The following NWD2 variants were observed in gnomAD, a reference collection of about 807,000 sequenced individuals.
NWD2 encodes the protein NACHT and WD repeat domain containing 2, also known as NACHT and WD repeat domain-containing protein 2.
In NWD2, 37 loss-of-function variants were observed where a neutral mutation model predicts 132.7. The observed-to-expected ratio is 0.28, with a 90% CI of 0.21 to 0.37. The LOEUF is 0.37. NWD2 is among the 10% of genes least tolerant of loss of function. The pLI is 1.00. For synonymous variants in NWD2, 705 were observed against 803.0 expected (o/e 0.88, Z 2.06); for missense variants, 1,592 against 2,122.4 (o/e 0.75, Z 4.91).
chr4:37,263,176 T>C (rs1320499887), intron 1 of NWD2, among the ~76,000 whole-genome samples: 2 of 152,162 alleles, frequency 1.3e-5, no homozygotes, highest in Admixed American at 1.3e-4. Context: ...CAGAGTATTT[T>C]ATATTATTAG....
chr4:37,350,585 T>G (rs1719740071), intron 2 of NWD2, among the ~76,000 whole-genome samples: 1 of 152,208 alleles, frequency 6.6e-6, no homozygotes, highest in Admixed American at 6.5e-5. Flanking sequence ...GTTTTTGGGC[T>G]GAGATGGTGG....
Position 37,438,841 on chromosome 4 carries a change from T to C in NWD2, c.747T>C (p.Thr249=). Residue 249 remains threonine, a synonymous_variant, in exon 6 of 7, where the codon ACT becomes ACC. Coordinates refer to ENST00000309447, the MANE Select transcript of NWD2 (RefSeq NM_001144990.2). ...TTGACTTTGCTCTGGGAAAACAAAC[T>C]CCAGCATTTCTAAAGAAGTGTGTTT... is the stretch of plus-strand genomic sequence containing the variant. ...DEFDFALGKQ[T]PAFLKKCVCY... 1 of 1,551,476 alleles carries C rather than the reference T, an allele frequency of 6.4e-7. No individual in the cohort carries two copies. Among genetic ancestry groups the C allele is most frequent in the Non-Finnish European group, 8.7e-7 (1 of 1,146,904 alleles).
chr4:37,414,295 T>C (rs1035329577), intron 3 of NWD2, among the ~76,000 whole-genome samples: 2 of 152,018 alleles, frequency 1.3e-5, no homozygotes, highest in Admixed American at 6.6e-5. Context: ...TGGTAATAGG[T>C]ATCTGGGGGC....
chr4:37,245,080 G>A lies in NWD2; in HGVS notation c.13G>A (p.Gly5Ser), dbSNP rs1426117421. 1.3e-6 allele frequency: 2 copies of A among 1,545,774 alleles called. No homozygotes were observed. The highest frequency in any genetic ancestry group is 2.0e-5 in the Admixed American group (1 of 50,972). Residue 5 changes from glycine to serine, a missense_variant, in exon 1 of 7, where the codon GGC (glycine) becomes AGC (serine). This residue lies in a region of NWD2 where 88 missense variants were observed against 92.8 expected (regional missense o/e 0.95). Coordinates refer to ENST00000309447, the MANE Select transcript of NWD2 (RefSeq NM_001144990.2). ...CTCCCAGAGGGCGATGTGGCCGGCC[G>A]GCGCGGGCACCAAGCTGCCCTGTCC... MWPA[G>S]AGTKLPCPRD...
intron 3 of NWD2, among the ~76,000 whole-genome samples, chr4:37,392,145 A>G (rs1720691000): frequency 6.6e-6 from 1 of 152,094 alleles, no homozygotes. Flanking sequence ...AGGTTGCAGT[A>G]AGCCGAGATC....
At chr4:37,353,861 C>T (rs969672846) in intron 2 of NWD2, among the ~76,000 whole-genome samples, 4 of 152,114 alleles carry the variant, frequency 2.6e-5, no homozygotes, top group African/African-American at 9.7e-5. Context: ...TCATCAAACT[C>T]ATTCTCCGCC....
chr4:37,405,042 A>G (rs577265246), intron 3 of NWD2, among the ~76,000 whole-genome samples: 15 of 152,170 alleles, frequency 9.9e-5, no homozygotes, highest in Non-Finnish European at 1.8e-4. Context: ...CATATCAGGC[A>G]ATAATCTTGT....
chr4:37,401,483 A>G (rs950041936), intron 3 of NWD2, among the ~76,000 whole-genome samples: 1 of 151,926 alleles, frequency 6.6e-6, no homozygotes, highest in African/African-American at 2.4e-5. Flanking sequence ...ACTCTATTCC[A>G]TTGCTTTGGG....
At chr4:37,388,671 AAT>A (rs1452748153) in intron 3 of NWD2, among the ~76,000 whole-genome samples, 1 of 147,494 alleles carries the variant, frequency 6.8e-6, no homozygotes, top group Non-Finnish European at 1.5e-5. Context: ...ATCATATATA[AAT>A]ATATATCGTA....
intron 6 of NWD2, among the ~76,000 whole-genome samples, chr4:37,442,089 C>A (rs567296448): frequency 6.6e-6 from 1 of 152,152 alleles, no homozygotes; most frequent in Non-Finnish European, 1.5e-5. Context: ...ACAACAGCAA[C>A]GAAATGTTTA....
At chr4:37,324,399 CTTTT>C (rs1719130792) in intron 1 of NWD2, among the ~76,000 whole-genome samples, 1 of 151,494 alleles carries the variant, frequency 6.6e-6, no homozygotes, top group African/African-American at 2.4e-5. Context: ...TTTAAAGTGG[CTTTT>C]TTGTTATTTG....
chr4:37,299,415 C>G (rs1420596855), intron 1 of NWD2, among the ~76,000 whole-genome samples: 2 of 152,136 alleles, frequency 1.3e-5, no homozygotes, highest in Admixed American at 1.3e-4. Flanking sequence ...TTCTGCTGTA[C>G]TCTATATCTG....
chr4:37,248,039 T>C (rs896838671), intron 1 of NWD2, among the ~76,000 whole-genome samples: 1 of 152,186 alleles, frequency 6.6e-6, no homozygotes. Flanking sequence ...ATTCTACGGA[T>C]GAGATTACTG....
intron 1 of NWD2, among the ~76,000 whole-genome samples, chr4:37,322,344 G>C (rs1439814803): frequency 6.6e-6 from 1 of 152,126 alleles, no homozygotes. Flanking sequence ...GCTCAGAGAA[G>C]GCCTCTCTGA....
chr4:37,250,333 C>T (rs967740736), intron 1 of NWD2, among the ~76,000 whole-genome samples: 11 of 152,120 alleles, frequency 7.2e-5, no homozygotes, highest in African/African-American at 1.2e-4. Context: ...CTGAAGCAGA[C>T]GTTATTCAAG....
chr4:37,276,565 C>T (rs555512845), intron 1 of NWD2, among the ~76,000 whole-genome samples: 1 of 152,136 alleles, frequency 6.6e-6, no homozygotes, highest in Admixed American at 6.5e-5. Flanking sequence ...CTAGAAATAC[C>T]ATTTGACCCA....
chr4:37,360,475 T>A (rs979409693), intron 3 of NWD2, among the ~76,000 whole-genome samples: 4 of 152,230 alleles, frequency 2.6e-5, no homozygotes, highest in Admixed American at 2.0e-4. Context: ...GGTACATATA[T>A]ATTTTGTTTT....
At chr4:37,252,739 C>G (rs1717403599) in intron 1 of NWD2, among the ~76,000 whole-genome samples, 1 of 152,192 alleles carries the variant, frequency 6.6e-6, no homozygotes, top group Admixed American at 6.5e-5. Flanking sequence ...GCTTTTCGCT[C>G]ATCTTTCAGG....
intron 3 of NWD2, among the ~76,000 whole-genome samples, chr4:37,413,099 A>G (rs1304798880): frequency 1.3e-5 from 2 of 152,242 alleles, no homozygotes; most frequent in East Asian, 1.9e-4. Context: ...AGCAATGGCA[A>G]CAAAAGCCAA....
Sources: allele counts gnomAD v4.1 joint callset (sites outside exome capture counted in the v4.1 genomes callset), GRCh38; gene constraint gnomAD v4.1.1; regional missense constraint gnomAD v4.1.1; transcripts MANE v1.5; gene names NCBI Gene and HGNC (gene_info 2026-07-23, HGNC 2026-07-21).